Variants in CNTN5 observed in about 807,000 individuals in gnomAD.
The protein encoded by CNTN5 is contactin 5.
Under a neutral mutation model 129.1 loss-of-function variants are expected in CNTN5, and 77 were observed. The observed-to-expected ratio is 0.60, with a 90% CI of 0.50 to 0.72. The LOEUF is 0.72. Among genes scored for constraint, CNTN5 ranks in the 30% least tolerant of loss-of-function variants. CNTN5 has a pLI of 0.00. For missense variants in CNTN5, 1,478 were observed against 1,328.8 expected (o/e 1.11, Z -1.75); for synonymous variants, 509 against 465.6 (o/e 1.09, Z -1.20).
intron 13 of CNTN5, among the ~76,000 whole-genome samples, chr11:100,159,958 G>A (rs1452215894): frequency 1.3e-5 from 2 of 151,556 alleles, no homozygotes; most frequent in Non-Finnish European, 2.9e-5. Context: ...TTTAAGTTCT[G>A]GGGATACATA....
intron 2 of CNTN5, among the ~76,000 whole-genome samples, chr11:99,492,012 C>A (rs75525156): frequency 0.031 from 4,679 of 152,146 alleles, 89 homozygotes; most frequent in Middle Eastern, 0.061. Context: ...GAATTGTGCT[C>A]TGTTGAAGGC....
intron 8 of CNTN5, among the ~76,000 whole-genome samples, chr11:99,959,106 C>A (rs77484285): frequency 3.3e-5 from 5 of 152,052 alleles, no homozygotes; most frequent in Non-Finnish European, 7.4e-5. Context: ...TCTTCTGTTG[C>A]CCTTGTTTGG....
At chr11:99,034,065 T>G (rs1863559085) in intron 1 of CNTN5, among the ~76,000 whole-genome samples, 1 of 152,196 alleles carries the variant, frequency 6.6e-6, no homozygotes, top group Non-Finnish European at 1.5e-5. Context: ...ATATGCTGGA[T>G]TATATTTATT....
chr11:99,959,483 C>A (rs1423517423), intron 8 of CNTN5, among the ~76,000 whole-genome samples: 1 of 152,152 alleles, frequency 6.6e-6, no homozygotes, highest in Non-Finnish European at 1.5e-5. Context: ...CCTCCTGTTA[C>A]AACCAATTCC....
At chr11:99,147,702 T>A (rs1859855807) in intron 1 of CNTN5, among the ~76,000 whole-genome samples, 1 of 152,196 alleles carries the variant, frequency 6.6e-6, no homozygotes, top group African/African-American at 2.4e-5. Flanking sequence ...AGGGACATTA[T>A]AATATTTTAT....
At chr11:99,799,328 G>A (rs1277262399) in intron 3 of CNTN5, among the ~76,000 whole-genome samples, 1 of 151,582 alleles carries the variant, frequency 6.6e-6, no homozygotes, top group Admixed American at 6.6e-5. Context: ...TTTTATCTCA[G>A]TTCTCAAGGG....
chr11:100,081,770 G>A (rs949772032), intron 13 of CNTN5, among the ~76,000 whole-genome samples: 5 of 152,080 alleles, frequency 3.3e-5, no homozygotes, highest in Admixed American at 1.3e-4. Context: ...CTCTAGATAC[G>A]ACTAAGGACT....
intron 3 of CNTN5, among the ~76,000 whole-genome samples, chr11:99,623,536 A>G (rs1951025001): frequency 6.6e-6 from 1 of 152,094 alleles, no homozygotes; most frequent in African/African-American, 2.4e-5. Context: ...GCATATTTTG[A>G]CTTACATAAC....
intron 1 of CNTN5, among the ~76,000 whole-genome samples, chr11:99,130,313 C>T (rs1858868140): frequency 6.6e-6 from 1 of 152,048 alleles, no homozygotes; most frequent in Non-Finnish European, 1.5e-5. Flanking sequence ...GAGTTGCAAT[C>T]CTAGTTTCTG....
chr11:99,997,051 T>G (rs1339536770), intron 8 of CNTN5, among the ~76,000 whole-genome samples: 1 of 152,180 alleles, frequency 6.6e-6, no homozygotes, highest in East Asian at 1.9e-4. Flanking sequence ...AATCATACCT[T>G]GACTCATTTT....
intron 4 of CNTN5, chr11:99,844,540 TTAA>T: frequency 2.7e-6 from 1 of 368,762 alleles, no homozygotes; most frequent in Non-Finnish European, 5.1e-6. Flanking sequence ...TTGTTTATGC[TTAA>T]TATTATTATC....
At chr11:100,178,578 G>A (rs1034953199) in intron 13 of CNTN5, among the ~76,000 whole-genome samples, 2 of 152,140 alleles carry the variant, frequency 1.3e-5, no homozygotes. Context: ...TGCCATTATG[G>A]CATAGCACAA....
chr11:99,710,583 G>GCA (rs1954941761), intron 3 of CNTN5, among the ~76,000 whole-genome samples: 2 of 136,194 alleles, frequency 1.5e-5, no homozygotes, highest in Non-Finnish European at 3.3e-5. Flanking sequence ...GTGTGTGTGT[G>GCA]TGTGTGTGTG....
intron 3 of CNTN5, among the ~76,000 whole-genome samples, chr11:99,590,147 T>C (rs1949932163): frequency 6.6e-6 from 1 of 151,662 alleles, no homozygotes; most frequent in African/African-American, 2.4e-5. Flanking sequence ...GTGAATGCAG[T>C]GGGAGGGGAA....
intron 20 of CNTN5, among the ~76,000 whole-genome samples, chr11:100,304,867 A>G (rs746990226): frequency 2.0e-5 from 3 of 151,094 alleles, no homozygotes; most frequent in Non-Finnish European, 1.5e-5. Flanking sequence ...TGGGAAGACT[A>G]AGACATGGAA....
intron 13 of CNTN5, among the ~76,000 whole-genome samples, chr11:100,176,354 T>C (rs114815638): frequency 1.4e-3 from 215 of 152,276 alleles, no homozygotes; most frequent in African/African-American, 4.5e-3. Flanking sequence ...AGTTGGCTGA[T>C]TGTTATAACG....
intron 21 of CNTN5, among the ~76,000 whole-genome samples, chr11:100,319,148 CTTTTCTTTTTT>C (rs1194988605): frequency 6.8e-6 from 1 of 147,046 alleles, no homozygotes; most frequent in African/African-American, 2.5e-5. Context: ...TTTTCTTTTT[CTTTTCTTTTTT>C]TTTTTTTTTT....
chr11:99,353,675 A>G (rs9645670), intron 2 of CNTN5, among the ~76,000 whole-genome samples: 52,042 of 152,138 alleles, frequency 0.34, 9,963 homozygotes, highest in East Asian at 0.64. Flanking sequence ...AGTTCCACTA[A>G]TGAGGATAGC....
chr11:99,981,077 G>GAGATAGATATAT (rs1555171289), intron 8 of CNTN5, among the ~76,000 whole-genome samples: 4 of 57,598 alleles, frequency 6.9e-5, no homozygotes, highest in Non-Finnish European at 1.4e-4. Flanking sequence ...GAGCCAATAG[G>GAGATAGATATAT]ATATATATAT....
Sources: allele counts gnomAD v4.1 joint callset (sites outside exome capture counted in the v4.1 genomes callset), GRCh38; gene constraint gnomAD v4.1.1; transcripts MANE v1.5; gene names NCBI Gene and HGNC (gene_info 2026-07-23, HGNC 2026-07-21).